Variants in GALNTL6 observed in about 807,000 individuals in gnomAD.
GALNTL6 encodes polypeptide N-acetylgalactosaminyltransferase like 6, also known as polypeptide N-acetylgalactosaminyltransferase-like 6.
Under a neutral mutation model 73.7 loss-of-function variants are expected in GALNTL6, and 46 were observed. The observed-to-expected ratio is 0.62, with a 90% CI of 0.49 to 0.80. GALNTL6 has a LOEUF of 0.80. GALNTL6 is among the 30% of genes least tolerant of loss of function. The probability of loss-of-function intolerance (pLI) is 0.00; values close to 1 mark genes in which losing one functional copy is unlikely to be tolerated. For synonymous variants in GALNTL6, 259 were observed against 263.7 expected, an observed-to-expected ratio of 0.98 and a Z score of 0.17; for missense variants, 604 against 755.0, an observed-to-expected ratio of 0.80 and a Z score of 2.34.
At chr4:172,720,870 T>C (rs1560904201) in intron 5 of GALNTL6, among the ~76,000 whole-genome samples, 1 of 152,210 alleles carries the variant, frequency 6.6e-6, no homozygotes, top group Non-Finnish European at 1.5e-5. Flanking sequence ...CTTTTTGTTT[T>C]ATCCTTTGGG....
At chr4:172,209,273 T>C (rs1168539113) in intron 2 of GALNTL6, among the ~76,000 whole-genome samples, 2 of 152,032 alleles carry the variant, frequency 1.3e-5, no homozygotes, top group South Asian at 4.1e-4. Context: ...CTGGAAATTA[T>C]CCATGACAAG....
At chr4:171,994,476 C>G (rs180782027) in intron 2 of GALNTL6, among the ~76,000 whole-genome samples, 3 of 152,072 alleles carry the variant, frequency 2.0e-5, no homozygotes, top group Admixed American at 1.3e-4. Flanking sequence ...TTAAAAAACA[C>G]TTATTGCTTA....
At chr4:172,101,054 T>G (rs1579139292) in intron 2 of GALNTL6, among the ~76,000 whole-genome samples, 1 of 151,898 alleles carries the variant, frequency 6.6e-6, no homozygotes, top group East Asian at 1.9e-4. Flanking sequence ...AAACGAGGAG[T>G]TGGTTTTCAC....
At chr4:172,282,252 C>G (rs1321582745) in intron 3 of GALNTL6, among the ~76,000 whole-genome samples, 2 of 152,132 alleles carry the variant, frequency 1.3e-5, no homozygotes, top group Non-Finnish European at 2.9e-5. Context: ...AGGAGATATT[C>G]AGATATCCAC....
intron 8 of GALNTL6, among the ~76,000 whole-genome samples, chr4:172,890,862 C>T (rs1225962816): frequency 6.6e-6 from 1 of 152,124 alleles, no homozygotes; most frequent in African/African-American, 2.4e-5. Flanking sequence ...GTTTTATGAT[C>T]TGGGTGCTTC....
chr4:172,793,245 A>C (rs1442553241), intron 5 of GALNTL6, among the ~76,000 whole-genome samples: 1 of 152,110 alleles, frequency 6.6e-6, no homozygotes, highest in Non-Finnish European at 1.5e-5. Flanking sequence ...TTTTATTCTC[A>C]TCTTAATCAT....
intron 10 of GALNTL6, among the ~76,000 whole-genome samples, chr4:172,959,724 T>C (rs999150241): frequency 3.9e-5 from 6 of 151,972 alleles, no homozygotes; most frequent in Admixed American, 2.6e-4. Context: ...GCCAGGTGAG[T>C]TGAACAGTCC....
At chr4:172,748,249 G>A (rs939867189) in intron 5 of GALNTL6, among the ~76,000 whole-genome samples, 1 of 152,134 alleles carries the variant, frequency 6.6e-6, no homozygotes, top group Admixed American at 6.6e-5. Flanking sequence ...TCAGGGCACA[G>A]GGCGGGACCT....
intron 5 of GALNTL6, among the ~76,000 whole-genome samples, chr4:172,481,292 G>A (rs978004383): frequency 2.0e-5 from 3 of 152,088 alleles, no homozygotes; most frequent in Non-Finnish European, 4.4e-5. Flanking sequence ...CAGGCCTCAG[G>A]AGTGAAGCTG....
At chr4:172,248,159 A>G (rs73870048) in intron 3 of GALNTL6, among the ~76,000 whole-genome samples, 3,207 of 152,344 alleles carry the variant, frequency 0.021, 110 homozygotes, top group African/African-American at 0.072. Context: ...ATTGAAAGGA[A>G]TGAATACACA....
intron 5 of GALNTL6, among the ~76,000 whole-genome samples, chr4:172,470,927 C>A (rs921493996): frequency 6.6e-6 from 1 of 152,170 alleles, no homozygotes; most frequent in Non-Finnish European, 1.5e-5. Flanking sequence ...ATCCCCCCAA[C>A]ACCCAGGTTT....
intron 3 of GALNTL6, among the ~76,000 whole-genome samples, chr4:172,254,265 C>G (rs1183182087): frequency 6.6e-6 from 1 of 151,690 alleles, no homozygotes; most frequent in Non-Finnish European, 1.5e-5. Flanking sequence ...GAACAACTCA[C>G]ACTAAAGGAA....
chr4:172,440,556 G>A (rs1297650243), intron 5 of GALNTL6, among the ~76,000 whole-genome samples: 1 of 152,048 alleles, frequency 6.6e-6, no homozygotes, highest in Non-Finnish European at 1.5e-5. Context: ...CTATAATGAT[G>A]GGTATCTGTC....
chr4:172,695,841 T>C (rs1024237745), intron 5 of GALNTL6, among the ~76,000 whole-genome samples: 3 of 151,942 alleles, frequency 2.0e-5, no homozygotes, highest in African/African-American at 7.3e-5. Flanking sequence ...TAGTCCCAGA[T>C]ACTCAGGAGG....
intron 2 of GALNTL6, among the ~76,000 whole-genome samples, chr4:171,858,427 T>A (rs1305149333): frequency 1.3e-4 from 19 of 151,914 alleles, no homozygotes; most frequent in African/African-American, 2.4e-5. Context: ...GGGGAAGAAA[T>A]GGGCAAACAA....
chr4:172,815,075 C>T (rs1322413881), intron 7 of GALNTL6, among the ~76,000 whole-genome samples: 1 of 152,078 alleles, frequency 6.6e-6, no homozygotes, highest in African/African-American at 2.4e-5. Context: ...TTGAAGTGAG[C>T]TTAGCTGAGA....
At chr4:171,829,410 TA>T (rs1322424252) in intron 2 of GALNTL6, among the ~76,000 whole-genome samples, 1 of 152,098 alleles carries the variant, frequency 6.6e-6, no homozygotes, top group African/African-American at 2.4e-5. Context: ...CAGCTTCAGA[TA>T]AAAGCTTGTT....
chr4:172,739,716 TA>T (rs1487514324), intron 5 of GALNTL6, among the ~76,000 whole-genome samples: 1 of 152,102 alleles, frequency 6.6e-6, no homozygotes, highest in Non-Finnish European at 1.5e-5. Flanking sequence ...CTCTTCAAAA[TA>T]AAAATCTCTC....
At chr4:172,840,998 A>G (rs538627099) in intron 7 of GALNTL6, among the ~76,000 whole-genome samples, 3 of 152,252 alleles carry the variant, frequency 2.0e-5, no homozygotes, top group South Asian at 2.1e-4. Flanking sequence ...ATGAATCTCA[A>G]TTCTCTGCCT....
Sources: allele counts gnomAD v4.1 joint callset (sites outside exome capture counted in the v4.1 genomes callset), GRCh38; gene constraint gnomAD v4.1.1; transcripts MANE v1.5; gene names NCBI Gene and HGNC (gene_info 2026-07-23, HGNC 2026-07-21).